The following RAB27A variants were observed in gnomAD, a reference collection of about 807,000 sequenced individuals.
RAB27A encodes the protein RAB27A, member RAS oncogene family.
In RAB27A, 17 loss-of-function variants were observed where a neutral mutation model predicts 20.8. The ratio of observed to expected loss-of-function variants is 0.82; its 90% CI spans 0.56 to 1.23. The LOEUF (loss-of-function observed/expected upper bound fraction) is 1.23. RAB27A is among the 50% of genes most tolerant of loss of function. The pLI is 0.00. For synonymous variants in RAB27A, 85 were observed against 92.8 expected (o/e 0.92, Z 0.48); for missense variants, 277 against 266.7 (o/e 1.04, Z -0.27).
rs565996048 is a variant in RAB27A, at chr15:55,218,742, CT to C, written c.467+5146del. Among the ~76,000 whole-genome samples the C allele has an allele frequency of 3.6e-3, 491 of 135,808 alleles. 1 individual carries two copies. The highest frequency in any genetic ancestry group is 4.0e-3 in the Admixed American group (54 of 13,372). 89.1% of individuals were successfully genotyped at this position (135,808 alleles called of 152,430 possible). ...TCAGTTGTCATTCTTAGTTCACATT[CT>C]TTTTTTTTTTTTTTTTAGAGGCAGA... On this transcript the variant is annotated intron_variant, in intron 6 of 6. Transcript: ENST00000336787.
chr15:55,217,062 C>G (rs16976177), intron 6 of RAB27A, among the ~76,000 whole-genome samples: 28,395 of 152,152 alleles, frequency 0.19, 3,147 homozygotes, highest in African/African-American at 0.31. Flanking sequence ...ACAAGACATA[C>G]TTTAGATTTG....
chr15:55,278,269 T>A (rs900625109), intron 1 of RAB27A, among the ~76,000 whole-genome samples: 21 of 152,272 alleles, frequency 1.4e-4, no homozygotes, highest in African/African-American at 5.1e-4. Flanking sequence ...GACAAAAGCC[T>A]GGCAGGTTTC....
intron 1 of RAB27A, among the ~76,000 whole-genome samples, chr15:55,273,819 T>C (rs1343993866): frequency 6.6e-6 from 1 of 152,216 alleles, no homozygotes; most frequent in African/African-American, 2.4e-5. Flanking sequence ...AATACCCTGT[T>C]TTCAACAATG....
intron 2 of RAB27A, among the ~76,000 whole-genome samples, chr15:55,300,711 C>T (rs1014928110): frequency 6.6e-6 from 1 of 151,818 alleles, no homozygotes; most frequent in African/African-American, 2.4e-5. Context: ...TGTTTCTTGA[C>T]TTACATATAG....
intron 6 of RAB27A, among the ~76,000 whole-genome samples, chr15:55,222,284 C>T (rs1315207755): frequency 6.6e-6 from 1 of 152,172 alleles, no homozygotes; most frequent in Non-Finnish European, 1.5e-5. Flanking sequence ...CCAGAGTAAG[C>T]CTATAGTGGA....
chr15:55,286,912 CTTTTTT>C (rs35313703), intron 1 of RAB27A, among the ~76,000 whole-genome samples: 2 of 57,138 alleles, frequency 3.5e-5, no homozygotes, highest in Non-Finnish European at 6.5e-5. Flanking sequence ...TAGATGTATT[CTTTTTT>C]TTTTTTTTTT....
At position 55,277,997 on chromosome 15, in the gene RAB27A, T is replaced by C. The variant is rs1457215882; in HGVS notation, c.-142-7713A>G. On this transcript the variant is annotated intron_variant, in intron 1 of 6. Transcript: ENST00000336787. ...GATTGTTGAGGATTAAATGAGAAAA[T>C]GTTTGTATAACTCTTGACACATATG... Among the ~76,000 whole-genome samples the C allele has an allele frequency of 7.2e-5, 11 of 152,224 alleles. 1 individual carries two copies. Among genetic ancestry groups the C allele is most frequent in the Admixed American group, 7.2e-4 (11 of 15,288 alleles).
At chr15:55,278,686 G>T (rs946511275) in intron 1 of RAB27A, among the ~76,000 whole-genome samples, 1 of 152,036 alleles carries the variant, frequency 6.6e-6, no homozygotes. Flanking sequence ...GTTTCACCAT[G>T]TTAGCCAGGA....
rs1303766017 is a variant in RAB27A at position 55,204,216 on chromosome 15, A to T, written c.*1291T>A. The stretch of plus-strand genomic sequence containing the variant: ...TAAATAAGACTTTTCACCTAAATGA[A>T]ATACCTTTGAATTTTATAAACAACT... On this transcript the variant is annotated 3_prime_UTR_variant, in exon 7 of 7. Coordinates refer to ENST00000336787, the MANE Select transcript of RAB27A (RefSeq NM_183235.3). The T allele has an allele frequency of 2.0e-5, 3 of 152,202 alleles. No individual in the cohort carries two copies. The highest frequency in any genetic ancestry group is 7.2e-5 in the African/African-American group (3 of 41,446). 9.4% of individuals were successfully genotyped at this position (152,202 alleles called of 1,614,324 possible). A position where few individuals can be genotyped will look rare whatever the true frequency, so the allele number is the denominator to read the frequency against.
intron 2 of RAB27A, among the ~76,000 whole-genome samples, chr15:55,254,561 C>T (rs187914442): frequency 6.6e-6 from 1 of 152,044 alleles, no homozygotes; most frequent in Admixed American, 6.5e-5. Flanking sequence ...GATATACATT[C>T]CTTTAGCTCT....
Position 55,299,451 on chromosome 15 carries a change from G to A in RAB27A, c.-112+14588C>T, listed in dbSNP as rs139658584. 9.4e-3 allele frequency among the ~76,000 whole-genome samples: 1,436 copies of A among 152,110 alleles called. 17 individuals are homozygous for A. Among genetic ancestry groups the A allele is most frequent in the African/African-American group, 0.032 (1,335 of 41,496 alleles). ...TCTACTAAAAATACAAAAATTAGCC[G>A]GGCATTGTGGCTCACACCTGTAATC... On this transcript the variant is annotated intron_variant, in intron 2 of 5. Coordinates refer to the RAB27A transcript ENST00000563262.
At chr15:55,266,990 G>C (rs749762050) in intron 2 of RAB27A, among the ~76,000 whole-genome samples, 7 of 152,216 alleles carry the variant, frequency 4.6e-5, no homozygotes, top group Non-Finnish European at 1.0e-4. Context: ...TGGACATTTA[G>C]AGTGAAGAGA....
intron 2 of RAB27A, among the ~76,000 whole-genome samples, chr15:55,251,277 A>G (rs981119489): frequency 6.6e-6 from 1 of 152,202 alleles, no homozygotes; most frequent in African/African-American, 2.4e-5. Context: ...AGCTATTTAA[A>G]GCTTAAGAGA....
chr15:55,303,776 C>A (rs1168234546), intron 2 of RAB27A, among the ~76,000 whole-genome samples: 1 of 127,528 alleles, frequency 7.8e-6, no homozygotes, highest in African/African-American at 3.2e-5. Flanking sequence ...CCGCCCCGTC[C>A]GGGAGGGAGG....
intron 2 of RAB27A, among the ~76,000 whole-genome samples, chr15:55,265,477 C>T (rs937813730): frequency 6.6e-6 from 1 of 152,058 alleles, no homozygotes; most frequent in African/African-American, 2.4e-5. Flanking sequence ...TTACACAGTG[C>T]ACTAGATAAT....
chr15:55,264,114 C>T (rs1897374230), intron 2 of RAB27A, among the ~76,000 whole-genome samples: 1 of 152,252 alleles, frequency 6.6e-6, no homozygotes, highest in African/African-American at 2.4e-5. Context: ...TGCAGTGGTC[C>T]GATCTTGGCT....
intron 6 of RAB27A, among the ~76,000 whole-genome samples, chr15:55,215,728 G>A (rs1384275661): frequency 4.0e-5 from 6 of 150,448 alleles, no homozygotes; most frequent in Admixed American, 6.6e-5. Context: ...TTGGGAGGCT[G>A]AGACGGGTGG....
At chr15:55,218,640 C>G (rs890399703) in intron 6 of RAB27A, among the ~76,000 whole-genome samples, 10 of 152,172 alleles carry the variant, frequency 6.6e-5, no homozygotes, top group African/African-American at 2.4e-4. Flanking sequence ...TCAGCAATAA[C>G]CAGCAGCCTT....
rs927770280 is a variant in RAB27A, at chr15:55,203,841, A to G, written c.*1666T>C. 6.6e-6 allele frequency: 1 copy of G among 152,122 alleles called. No individual in the cohort carries two copies. The highest frequency in any genetic ancestry group is 2.4e-5 in the African/African-American group (1 of 41,438). The allele number at this position is 152,122 out of a possible 1,614,324, so 9.4% of individuals were successfully genotyped here. A position where few individuals can be genotyped will look rare whatever the true frequency, so the allele number is the denominator to read the frequency against. On this transcript the variant is annotated 3_prime_UTR_variant, in exon 7 of 7. Transcript: ENST00000336787. Reference sequence around the variant, plus strand: ...CTTCATTTCAAGGATAGAAATATGTAAAATTTTACCAACCATGGATAAGTT... The same window carrying G: ...CTTCATTTCAAGGATAGAAATATGTGAAATTTTACCAACCATGGATAAGTT...
Sources: allele counts gnomAD v4.1 joint callset (sites outside exome capture counted in the v4.1 genomes callset), GRCh38; gene constraint gnomAD v4.1.1; transcripts MANE v1.5; gene names NCBI Gene and HGNC (gene_info 2026-07-23, HGNC 2026-07-21).